ZNF480: variants seen among roughly 807,000 people sequenced by gnomAD.
ZNF480 encodes zinc finger protein 480.
ZNF480 carries 15 observed loss-of-function variants against 14.4 expected under a neutral mutation model. The ratio of observed to expected loss-of-function variants is 1.04; its 90% CI spans 0.70 to 1.60. The LOEUF (loss-of-function observed/expected upper bound fraction) is 1.60, where lower values mean the gene tolerates loss of function less well. Ranked by LOEUF, ZNF480 falls within the 40% of genes most tolerant of loss-of-function variation. The probability of loss-of-function intolerance (pLI) is 0.00; values close to 1 mark genes in which losing one functional copy is unlikely to be tolerated. For missense variants in ZNF480, 593 were observed against 629.7 expected (o/e 0.94, Z 0.62); for synonymous variants, 218 against 215.5 (o/e 1.01, Z -0.10).
At chr19:52,306,444 A>C (rs1197008044) in intron 2 of ZNF480, among the ~76,000 whole-genome samples, 1 of 152,106 alleles carries the variant, frequency 6.6e-6, no homozygotes, top group Non-Finnish European at 1.5e-5. Context: ...ACCGACTCCC[A>C]AAAGTTGGTC....
intron 4 of ZNF480, chr19:52,317,294 G>A (rs1983605362): frequency 6.6e-6 from 1 of 152,246 alleles, no homozygotes; most frequent in African/African-American, 2.4e-5. Flanking sequence ...GGGATTATAG[G>A]CGTGAGCTAT....
Position 52,322,147 on chromosome 19 carries a change from T to G in ZNF480, c.897T>G (p.Asn299Lys). 6.2e-7 allele frequency: 1 copy of G among 1,613,976 alleles called. No homozygotes were observed. The highest frequency in any genetic ancestry group is 1.1e-5 in the South Asian group (1 of 91,082). Reference sequence around the variant, plus strand: ...AATGTGGTAAAGTCTTCAGTAATAATTCTTACCTTGCACGACATCAAAGAA... The same window carrying G: ...AATGTGGTAAAGTCTTCAGTAATAAGTCTTACCTTGCACGACATCAAAGAA... The part of the protein sequence containing the change: ...CNECGKVFSN[N>K]SYLARHQRIH... Residue 299 changes from asparagine (N) to lysine (K), a missense_variant, in exon 5 of 5, where the codon AAT (asparagine) becomes AAG (lysine). Coordinates refer to ENST00000595962, the MANE Select transcript of ZNF480 (RefSeq NM_144684.4).
At chr19:52,302,641 C>T (rs1007649929) in intron 2 of ZNF480, among the ~76,000 whole-genome samples, 1 of 152,208 alleles carries the variant, frequency 6.6e-6, no homozygotes. Context: ...TCTACACATA[C>T]ATGCACATAA....
chr19:52,320,877 T>G lies in ZNF480; in HGVS notation c.329-702T>G, dbSNP rs570169290. ...CTGTAGACCCAGCTACTCAGGAGGC[T>G]GAAGCAGGAGAGATCGCTTGAGCTG... On this transcript the variant is annotated intron_variant, in intron 4 of 4. Transcript: ENST00000595962. Among the ~76,000 whole-genome samples the G allele has an allele frequency of 2.6e-3, 398 of 152,206 alleles. 2 individuals are homozygous for G. Among genetic ancestry groups the G allele is most frequent in the Middle Eastern group, 0.014 (4 of 294 alleles).
At chr19:52,303,973 C>A (rs1019476593) in intron 2 of ZNF480, among the ~76,000 whole-genome samples, 1 of 152,108 alleles carries the variant, frequency 6.6e-6, no homozygotes, top group African/African-American at 2.4e-5. Flanking sequence ...CATGAGAAAT[C>A]GAATTTTTTA....
intron 4 of ZNF480, among the ~76,000 whole-genome samples, chr19:52,320,446 A>G (rs62110456): frequency 0.092 from 13,999 of 152,186 alleles, 989 homozygotes; most frequent in African/African-American, 0.19. Flanking sequence ...TGAGCCAAGG[A>G]GTTCGAGACC....
In ZNF480 at chr19:52,315,934, G is replaced by A; in HGVS notation, c.300G>A (p.Gly100=). The change falls in exon 4 of 5, where the codon GGG becomes GGA. Residue 100 remains glycine, a synonymous_variant. Coordinates refer to ENST00000595962, the MANE Select transcript of ZNF480 (RefSeq NM_144684.4). ...SEVKIAKNSD[G]RECIKGVNTG... Reference sequence around the variant, plus strand: ...TGAAAATAGCAAAAAATTCAGATGGGAGGGAGTGCATCAAAGGTGTGAACA... The same window carrying A: ...TGAAAATAGCAAAAAATTCAGATGGAAGGGAGTGCATCAAAGGTGTGAACA... The A allele has an allele frequency of 6.2e-7, 1 of 1,612,332 alleles. No individual in the cohort carries two copies. Among genetic ancestry groups the A allele is most frequent in the Non-Finnish European group, 8.5e-7 (1 of 1,178,834 alleles).
intron 2 of ZNF480, among the ~76,000 whole-genome samples, chr19:52,312,454 C>T (rs1044168431): frequency 1.3e-5 from 2 of 152,288 alleles, no homozygotes; most frequent in Non-Finnish European, 2.9e-5. Context: ...GCCACCATGC[C>T]CAGCCATAAT....
chr19:52,298,589 C>G (rs1982530930), intron 1 of ZNF480, among the ~76,000 whole-genome samples: 2 of 151,472 alleles, frequency 1.3e-5, no homozygotes, highest in Admixed American at 6.6e-5. Context: ...TGAGATTGCG[C>G]CATTGCACTC....
rs568260456 is a variant in ZNF480 at position 52,317,223 on chromosome 19, G to T, written c.328+1261G>T. 3.9e-5 allele frequency among the ~76,000 whole-genome samples: 6 copies of T among 151,904 alleles called. No individual in the cohort carries two copies. In the South Asian group the frequency reaches 1.3e-3, roughly 32 times the overall value. On this transcript the variant is annotated intron_variant, in intron 4 of 4. Coordinates refer to ENST00000595962, the MANE Select transcript of ZNF480 (RefSeq NM_144684.4). ...AGTAGAGACAGGGTTTCACCATATT[G>T]GCCAGGCTCGTCTTGAACTCCTGAC...
At chr19:52,306,344 A>AT (rs909636090) in intron 2 of ZNF480, among the ~76,000 whole-genome samples, 8 of 152,064 alleles carry the variant, frequency 5.3e-5, no homozygotes, top group African/African-American at 1.2e-4. Flanking sequence ...GCCTGAAGTG[A>AT]TTTTTTTCCC....
intron 4 of ZNF480, among the ~76,000 whole-genome samples, chr19:52,320,070 C>T (rs1983744043): frequency 6.6e-6 from 1 of 151,898 alleles, no homozygotes; most frequent in Admixed American, 6.6e-5. Flanking sequence ...CCTGCCTTGG[C>T]CTCCCAAAGT....
intron 4 of ZNF480, among the ~76,000 whole-genome samples, chr19:52,316,208 C>T (rs1983548103): frequency 6.7e-6 from 1 of 150,024 alleles, no homozygotes; most frequent in South Asian, 2.1e-4. Flanking sequence ...TTCTTTCTTT[C>T]TTTCTTTCTT....
At chr19:52,302,318 T>C (rs546706230) in intron 2 of ZNF480, among the ~76,000 whole-genome samples, 2 of 152,350 alleles carry the variant, frequency 1.3e-5, no homozygotes, top group South Asian at 4.1e-4. Context: ...TCAATAATGC[T>C]AGATTCAGTT....
At chr19:52,321,320 G>T (rs542840292) in intron 4 of ZNF480, among the ~76,000 whole-genome samples, 4 of 152,150 alleles carry the variant, frequency 2.6e-5, no homozygotes, top group East Asian at 1.9e-4. Context: ...TTCTCAGAAG[G>T]TTTCAATTCC....
At chr19:52,309,543 T>C (rs534062824) in intron 2 of ZNF480, among the ~76,000 whole-genome samples, 1 of 152,336 alleles carries the variant, frequency 6.6e-6, no homozygotes, top group South Asian at 2.1e-4. Context: ...CAGAAACTTG[T>C]CCCTTAGGCA....
chr19:52,300,645 A>G, intron 2 of ZNF480, 161 bp downstream of exon 2: 1 of 1,248,604 alleles, frequency 8.0e-7, no homozygotes, highest in Non-Finnish European at 1.1e-6. Flanking sequence ...GGTCGTGGGG[A>G]CCCTAACCTA....
intron 2 of ZNF480, chr19:52,301,987 C>T (rs1982714410): frequency 5.9e-6 from 1 of 168,874 alleles, no homozygotes; most frequent in Non-Finnish European, 1.3e-5. Context: ...TTACTCCAAA[C>T]AGAAAAGGAG....
At chr19:52,309,862 A>G (rs1210768268) in intron 2 of ZNF480, among the ~76,000 whole-genome samples, 1 of 152,118 alleles carries the variant, frequency 6.6e-6, no homozygotes, top group Middle Eastern at 3.2e-3. Context: ...TCTTGCTGAC[A>G]TTACTCTTTT....
Sources: gnomAD v4.1 joint callset for allele counts (sites outside exome capture counted in the v4.1 genomes callset) on GRCh38, gnomAD v4.1.1 for gene constraint, MANE v1.5 for transcripts, NCBI Gene and HGNC (gene_info 2026-07-23, HGNC 2026-07-21) for gene names.